AK3: variants seen among roughly 807,000 people sequenced by gnomAD.
The protein encoded by AK3 is GTP:AMP phosphotransferase AK3, mitochondrial.
In AK3, 27 loss-of-function variants were observed where a neutral mutation model predicts 23.7. The ratio of observed to expected loss-of-function variants is 1.14; its 90% CI spans 0.84 to 1.57. The LOEUF (loss-of-function observed/expected upper bound fraction) is 1.57, where lower values mean the gene tolerates loss of function less well. Among genes scored for constraint, AK3 ranks in the 40% most tolerant of loss-of-function variants. AK3 has a pLI of 0.00. For missense variants in AK3, 406 were observed against 285.6 expected, an observed-to-expected ratio of 1.42 and a Z score of -3.04; for synonymous variants, 159 against 116.0, an observed-to-expected ratio of 1.37 and a Z score of -2.38.
chr9:4,736,486 AAC>A (rs200761313), intron 1 of AK3, among the ~76,000 whole-genome samples: 23,235 of 132,040 alleles, frequency 0.18, 2,376 homozygotes, highest in East Asian at 0.47. Context: ...AAAAAAAAAA[AAC>A]AACTCCGCTT....
chr9:4,733,404 G>A (rs1389593620), intron 1 of AK3, among the ~76,000 whole-genome samples: 1 of 152,188 alleles, frequency 6.6e-6, no homozygotes, highest in Non-Finnish European at 1.5e-5. Context: ...GCAGGAAGGA[G>A]ATGTGCATGG....
chr9:4,722,128 T>C (rs552981660), intron 2 of AK3, among the ~76,000 whole-genome samples: 53 of 152,348 alleles, frequency 3.5e-4, no homozygotes, highest in African/African-American at 1.1e-3. Context: ...CCTCTCTATA[T>C]TAACAAAACT....
At chr9:4,726,201 C>T (rs1005558318) in intron 1 of AK3, among the ~76,000 whole-genome samples, 1 of 152,084 alleles carries the variant, frequency 6.6e-6, no homozygotes, top group African/African-American at 2.4e-5. Context: ...GCTGACTGAT[C>T]AGGATGGAGG....
At chr9:4,734,074 G>T (rs1024284988) in intron 1 of AK3, among the ~76,000 whole-genome samples, 1 of 152,124 alleles carries the variant, frequency 6.6e-6, no homozygotes, top group Non-Finnish European at 1.5e-5. Context: ...GACTATATTT[G>T]GAAATAGGGC....
chr9:4,740,594 C>G (rs963788769), intron 1 of AK3, among the ~76,000 whole-genome samples: 4 of 152,234 alleles, frequency 2.6e-5, no homozygotes, highest in Admixed American at 6.5e-5. Flanking sequence ...GCACGTTGAA[C>G]AAGCTGCGGC....
intron 1 of AK3, among the ~76,000 whole-genome samples, chr9:4,740,520 C>G (rs1756865): frequency 0.83 from 125,741 of 152,108 alleles, 53,779 homozygotes; most frequent in East Asian, 0.96. Context: ...AAGAAAGAAA[C>G]AAAGAAAACA....
In AK3 at chr9:4,722,571, T is replaced by C; in HGVS notation, c.206A>G (p.Asp69Gly). The C allele has an allele frequency of 6.2e-7, 1 of 1,614,202 alleles. No homozygotes were observed. The highest frequency in any genetic ancestry group is 8.5e-7 in the Non-Finnish European group (1 of 1,180,026). Reference sequence around the variant, plus strand: ...ATGAAGGGCCAGCCGAGTCATGACATCATCTGGGATGAGTTTCCCTTGGTC... The same window carrying C: ...ATGAAGGGCCAGCCGAGTCATGACACCATCTGGGATGAGTTTCCCTTGGTC... ...FIDQGKLIPD[D>G]VMTRLALHEL... The change falls in exon 2 of 5, where the codon GAT (aspartate) becomes GGT (glycine). Residue 69 changes from aspartate to glycine, a missense_variant. Coordinates refer to ENST00000381809, the MANE Select transcript of AK3 (RefSeq NM_016282.4).
intron 1 of AK3, among the ~76,000 whole-genome samples, chr9:4,739,126 T>G (rs1423199569): frequency 1.2e-4 from 18 of 152,104 alleles, no homozygotes; most frequent in Admixed American, 1.2e-3. Flanking sequence ...TATCTGGGAC[T>G]GTTTAATGTT....
chr9:4,730,395 GA>G (rs145905694), intron 1 of AK3, among the ~76,000 whole-genome samples: 2 of 150,554 alleles, frequency 1.3e-5, no homozygotes, highest in African/African-American at 2.4e-5. Context: ...TTCCCAGTAA[GA>G]AAAAAAATAA....
chr9:4,741,461 C>T, upstream of AK3: 1 of 197,906 alleles, frequency 5.1e-6, no homozygotes, highest in Non-Finnish European at 1.0e-5. Context: ...CGCCCCTCTG[C>T]ACCCACCCCC....
chr9:4,722,682 C>A (rs199938754), intron 1 of AK3, 57 bp from the exon 2 acceptor site: 3 of 1,608,554 alleles, frequency 1.9e-6, no homozygotes, highest in Non-Finnish European at 2.5e-6. Context: ...CCATTCCAGG[C>A]ACCTCGGAAC....
At chr9:4,734,095 G>T (rs549671662) in intron 1 of AK3, among the ~76,000 whole-genome samples, 90 of 152,300 alleles carry the variant, frequency 5.9e-4, no homozygotes, top group African/African-American at 2.1e-3. Context: ...TTTAAAGGAG[G>T]TAACTAAGAT....
In AK3 at chr9:4,740,981, A is replaced by G. The variant is rs1388369910; in HGVS notation, c.107T>C (p.Leu36Pro). The G allele has an allele frequency of 5.7e-6, 9 of 1,588,744 alleles. No individual in the cohort carries two copies. Among genetic ancestry groups the G allele is most frequent in the Non-Finnish European group, 7.7e-6 (9 of 1,169,824 alleles). Residue 36 changes from leucine to proline, a missense_variant, in exon 1 of 5, where the codon CTC (leucine) becomes CCC (proline). Leu to Pro is a moderately conservative substitution (Grantham distance 98, BLOSUM62 -3). Coordinates refer to ENST00000381809, the MANE Select transcript of AK3 (RefSeq NM_016282.4). The stretch of plus-strand genomic sequence containing the variant: ...GTCCCGGAGCAGGTCCCCGCTGGAG[A>G]GGTGCTTCAGCTCGAAGTGTGTAGT... ...RITTHFELKH[L>P]SSGDLLRDNM...
intron 1 of AK3, among the ~76,000 whole-genome samples, chr9:4,735,039 T>C (rs1002522464): frequency 1.3e-5 from 2 of 151,560 alleles, no homozygotes; most frequent in African/African-American, 4.9e-5. Flanking sequence ...CTAATAGGTA[T>C]GAAGTTTCTT....
At chr9:4,733,678 C>A (rs779850961) in intron 1 of AK3, among the ~76,000 whole-genome samples, 2 of 152,162 alleles carry the variant, frequency 1.3e-5, no homozygotes, top group South Asian at 4.1e-4. Flanking sequence ...CACTCTGCTT[C>A]GGATAAATTC....
chr9:4,727,927 C>T (rs1283424826), intron 1 of AK3, among the ~76,000 whole-genome samples: 5 of 152,110 alleles, frequency 3.3e-5, no homozygotes, highest in East Asian at 1.9e-4. Flanking sequence ...TAGGGAAGCT[C>T]GAGGAGAGAG....
chr9:4,739,153 A>G (rs908667222), intron 1 of AK3, among the ~76,000 whole-genome samples: 3 of 151,982 alleles, frequency 2.0e-5, no homozygotes, highest in Non-Finnish European at 4.4e-5. Flanking sequence ...CTACTTCAGT[A>G]TGTCGCATTA....
chr9:4,713,451 C>T (rs1481688725), intron 4 of AK3, among the ~76,000 whole-genome samples: 2 of 152,120 alleles, frequency 1.3e-5, no homozygotes, highest in African/African-American at 4.8e-5. Flanking sequence ...TAAAATCATC[C>T]CTTTGTAATG....
chr9:4,738,226 C>T lies in AK3; in HGVS notation c.151+2711G>A, dbSNP rs150903473. Among the ~76,000 whole-genome samples the T allele has an allele frequency of 4.0e-3, 603 of 152,258 alleles. 1 individual carries two copies. The highest frequency in any genetic ancestry group is 0.012 in the African/African-American group (486 of 41,546). On this transcript the variant is annotated intron_variant, in intron 1 of 4. Coordinates refer to ENST00000381809, the MANE Select transcript of AK3 (RefSeq NM_016282.4). ...TTTCACCTAGGCTGGAATGCAATGG[C>T]GCCATCTCGGCTCGCTGCAACCTCC...
Sources: allele counts gnomAD v4.1 joint callset (sites outside exome capture counted in the v4.1 genomes callset), GRCh38; gene constraint gnomAD v4.1.1; transcripts MANE v1.5; gene names NCBI Gene and HGNC (gene_info 2026-07-23, HGNC 2026-07-21).